The following AKAP1 variants were observed in gnomAD, a reference collection of about 807,000 sequenced individuals.
AKAP1 encodes A-kinase anchor protein 1, mitochondrial.
In AKAP1, 32 loss-of-function variants were observed where a neutral mutation model predicts 79.8. The ratio of observed to expected loss-of-function variants is 0.40; its 90% confidence interval spans 0.30 to 0.54. AKAP1 has a LOEUF of 0.54. Ranked by LOEUF, AKAP1 falls within the 20% of genes least tolerant of loss-of-function variation. The pLI, the probability that AKAP1 is intolerant of heterozygous loss-of-function variation, is 0.47. For synonymous variants in AKAP1, 416 were observed against 466.7 expected (o/e 0.89, Z 1.40); for missense variants, 961 against 1,138.9 (o/e 0.84, Z 2.25).
At chr17:57,116,081 G>T (rs149160889) in intron 6 of AKAP1, 30 bp from the exon 7 acceptor site, 2 of 1,604,672 alleles carry the variant, frequency 1.2e-6, no homozygotes, top group South Asian at 2.2e-5. Flanking sequence ...TGGCCCAGGC[G>T]TTCCACGCAC....
Position 57,118,474 on chromosome 17 carries a change from G to A in AKAP1, c.2574+20G>A, listed in dbSNP as rs199605238. 1.2e-5 allele frequency: 20 copies of A among 1,613,264 alleles called. No homozygotes were observed. The highest frequency in any genetic ancestry group is 1.1e-4 in the East Asian group (5 of 44,858). On this transcript the variant is annotated intron_variant, in intron 9 of 10. Transcript: ENST00000337714. ...GCTCAGGTGTGTGGTTGGCAGGGGT[G>A]GGGGAGGCAGGCTGGCTGGGTTCTT...
intron 3 of AKAP1, among the ~76,000 whole-genome samples, chr17:57,111,300 G>A (rs1003295367): frequency 1.3e-5 from 2 of 152,220 alleles, no homozygotes; most frequent in African/African-American, 4.8e-5. Context: ...GGCAGCGGGA[G>A]CCCAGGGTTC....
rs1238261564 is a variant in AKAP1 at position 57,116,827 on chromosome 17, C to T, written c.2433-33C>T. 3 of 1,601,724 alleles carry T rather than the reference C, an allele frequency of 1.9e-6. No homozygotes were observed. The Admixed American group carries it at 5.0e-5, about 27-fold the overall frequency. Reference sequence around the variant, plus strand: ...TTGGAGTGGAGTCAGCCTTCATGTCCACATTAAACTTGTTCCTTTCTTGCC... The same window carrying T: ...TTGGAGTGGAGTCAGCCTTCATGTCTACATTAAACTTGTTCCTTTCTTGCC... On this transcript the variant is annotated intron_variant, in intron 7 of 10. Coordinates refer to ENST00000337714, the MANE Select transcript of AKAP1 (RefSeq NM_003488.4).
chr17:57,116,801 C>T (rs909146461), intron 7 of AKAP1, 59 bp from the exon 8 acceptor site: 1 of 1,484,816 alleles, frequency 6.7e-7, no homozygotes, highest in Admixed American at 1.7e-5. Context: ...TGAATACTGG[C>T]TTGGAGTGGA....
chr17:57,108,853 C>G (rs1299424471), intron 2 of AKAP1, among the ~76,000 whole-genome samples: 1 of 152,216 alleles, frequency 6.6e-6, no homozygotes, highest in Non-Finnish European at 1.5e-5. Context: ...CAGTCCCATT[C>G]TGTGGGGCAG....
chr17:57,116,769 T>TA lies in AKAP1; in HGVS notation c.2433-90dup, dbSNP rs1404917504. On this transcript the variant is annotated intron_variant, in intron 7 of 10. Coordinates refer to ENST00000337714, the MANE Select transcript of AKAP1 (RefSeq NM_003488.4). ...CCCTCTGCTTTGCTGCATCCCAGGT[T>TA]ATGGGCGTCACTGTACAAAGATGAA... is the stretch of plus-strand genomic sequence containing the variant. The TA allele has an allele frequency of 1.1e-5, 14 of 1,246,696 alleles. No homozygotes were observed. The African/African-American group carries it at 2.1e-4, about 18-fold the overall frequency. The allele number at this position is 1,246,696 out of a possible 1,614,324, so 77.2% of individuals were successfully genotyped here.
In AKAP1 at chr17:57,118,382, C is replaced by A. The variant is rs781030382; in HGVS notation, c.2502C>A (p.Asp834Glu). Residue 834 changes from aspartate to glutamate, a missense_variant and splice_region_variant, in exon 9 of 11, where the codon GAC becomes GAA. Coordinates refer to ENST00000337714, the MANE Select transcript of AKAP1 (RefSeq NM_003488.4). ...VLLDSVMPLSDDDQFSPEADA... is the reference protein window; with the variant it reads ...VLLDSVMPLSEDDQFSPEADA... The stretch of plus-strand genomic sequence containing the variant: ...CCGCTTTTCCTTTTCCTCCTGAAGA[C>A]GATGACCAGTTTTCACCGGAAGCAG... 1.2e-6 allele frequency: 2 copies of A among 1,613,756 alleles called. No individual in the cohort carries two copies. The highest frequency in any genetic ancestry group is 8.5e-7 in the Non-Finnish European group (1 of 1,179,890).
chr17:57,118,279 T>C, intron 8 of AKAP1, 102 bp from the exon 9 acceptor site: 1 of 1,085,648 alleles, frequency 9.2e-7, no homozygotes, highest in South Asian at 1.3e-5. Flanking sequence ...TTCCACAGCA[T>C]CTGAAGCATT....
In AKAP1 at chr17:57,106,252, T is replaced by G; in HGVS notation, c.788T>G (p.Val263Gly). 1 of 1,614,116 alleles carries G rather than the reference T, an allele frequency of 6.2e-7. No individual in the cohort carries two copies. The highest frequency in any genetic ancestry group is 8.5e-7 in the Non-Finnish European group (1 of 1,180,018). ...VVGPVQEEEYVAEKLPSRFIE... is the reference protein window; with the variant it reads ...VVGPVQEEEYGAEKLPSRFIE... The stretch of plus-strand genomic sequence containing the variant: ...GGGCCAGTGCAGGAGGAAGAGTATG[T>G]AGCAGAGAAGTTGCCAAGTAGGTTC... Residue 263 changes from valine to glycine, a missense_variant, in exon 2 of 11, where the codon GTA becomes GGA. Val to Gly is a moderately radical substitution (Grantham distance 109). Coordinates refer to ENST00000337714, the MANE Select transcript of AKAP1 (RefSeq NM_003488.4).
intron 1 of AKAP1, among the ~76,000 whole-genome samples, chr17:57,088,491 G>T (rs1597954761): frequency 1.3e-5 from 2 of 152,214 alleles, no homozygotes. Context: ...TGAGGGTGAA[G>T]CTGGAGGTCA....
At chr17:57,115,198 A>T (rs1465327589) in intron 6 of AKAP1, among the ~76,000 whole-genome samples, 4 of 152,182 alleles carry the variant, frequency 2.6e-5, no homozygotes, top group Non-Finnish European at 5.9e-5. Flanking sequence ...TGTTGTCCTT[A>T]TCACAGAGGA....
chr17:57,120,714 C>T lies in AKAP1; in HGVS notation c.*390C>T, dbSNP rs1226221446. Reference sequence around the variant, plus strand: ...ACAGGCCAGGGATGTATGTTGCTTGCTTGAGAGGGTTTCTTTTACTTCAAA... The same window carrying T: ...ACAGGCCAGGGATGTATGTTGCTTGTTTGAGAGGGTTTCTTTTACTTCAAA... On this transcript the variant is annotated 3_prime_UTR_variant, in exon 11 of 11. Coordinates refer to ENST00000337714, the MANE Select transcript of AKAP1 (RefSeq NM_003488.4). The T allele has an allele frequency of 6.0e-6, 1 of 166,886 alleles. No individual in the cohort carries two copies. The highest frequency in any genetic ancestry group is 1.3e-5 in the Non-Finnish European group (1 of 77,164). 10.3% of individuals were successfully genotyped at this position (166,886 alleles called of 1,614,324 possible).
In AKAP1 at chr17:57,098,843, G is replaced by A. The variant is rs190735917; in HGVS notation, c.-24-6598G>A. ...GTGGTGCGATCTCAGCTCACTGCAAGCTCCGCCTCCCAGGTTCATGCCATT... is the reference window on the plus strand; with the variant it reads ...GTGGTGCGATCTCAGCTCACTGCAAACTCCGCCTCCCAGGTTCATGCCATT... On this transcript the variant is annotated intron_variant, in intron 1 of 10. Coordinates refer to ENST00000337714, the MANE Select transcript of AKAP1 (RefSeq NM_003488.4). 1.2e-3 allele frequency among the ~76,000 whole-genome samples: 184 copies of A among 148,728 alleles called. No homozygotes were observed. In the Middle Eastern group the frequency reaches 0.014, roughly 11 times the overall value.
At chr17:57,119,068 T>C (rs770563078) in intron 10 of AKAP1, 24 bp downstream of exon 10, 1 of 1,611,832 alleles carries the variant, frequency 6.2e-7, no homozygotes, top group Non-Finnish European at 8.5e-7. Context: ...TTCTTTTCCT[T>C]CTGTGTTGCT....
At chr17:57,119,830 C>CTTTT (rs3054874) in intron 10 of AKAP1, among the ~76,000 whole-genome samples, 1,878 of 70,228 alleles carry the variant, frequency 0.027, 477 homozygotes, top group African/African-American at 0.059. Context: ...CCCTGTTACT[C>CTTTT]TTTTTTTTTT....
intron 2 of AKAP1, among the ~76,000 whole-genome samples, chr17:57,108,593 G>C (rs569518086): frequency 2.6e-5 from 4 of 152,188 alleles, no homozygotes; most frequent in Non-Finnish European, 5.9e-5. Context: ...TGGGCAGGGA[G>C]GTTTAGGGAT....
chr17:57,120,046 G>A (rs536520750), intron 10 of AKAP1, among the ~76,000 whole-genome samples: 31 of 151,704 alleles, frequency 2.0e-4, no homozygotes, highest in Non-Finnish European at 3.5e-4. Context: ...GGCTGGTCTC[G>A]AACTCCTGAC....
intron 10 of AKAP1, among the ~76,000 whole-genome samples, chr17:57,119,980 C>T (rs1446619561): frequency 6.6e-6 from 1 of 151,668 alleles, no homozygotes; most frequent in East Asian, 2.0e-4. Flanking sequence ...TGCCTGCCAC[C>T]ACACCTGGCT....
At chr17:57,088,511 G>A (rs903263126) in intron 1 of AKAP1, among the ~76,000 whole-genome samples, 2 of 152,230 alleles carry the variant, frequency 1.3e-5, no homozygotes, top group African/African-American at 4.8e-5. Context: ...ATTCTGGATT[G>A]TTTCAGTGGC....
Sources: gnomAD v4.1 joint callset for allele counts (sites outside exome capture counted in the v4.1 genomes callset) on GRCh38, gnomAD v4.1.1 for gene constraint, MANE v1.5 for transcripts, NCBI Gene and HGNC (gene_info 2026-07-23, HGNC 2026-07-21) for gene names.